NPAS3: variants seen among roughly 807,000 people sequenced by gnomAD.
The protein encoded by NPAS3 is neuronal PAS domain-containing protein 3.
Under a neutral mutation model 73.1 loss-of-function variants are expected in NPAS3, and 14 were observed. That is an observed-to-expected ratio of 0.19 (90% confidence interval 0.13 to 0.30). The LOEUF (loss-of-function observed/expected upper bound fraction) is 0.30. Among genes scored for constraint, NPAS3 ranks in the 10% least tolerant of loss-of-function variants. The pLI is 1.00. For synonymous variants in NPAS3, 620 were observed against 541.5 expected, an observed-to-expected ratio of 1.14 and a Z score of -2.01; for missense variants, 1,096 against 1,250.0, an observed-to-expected ratio of 0.88 and a Z score of 1.86.
chr14:33,425,068 G>A (rs1336483567), intron 4 of NPAS3, among the ~76,000 whole-genome samples: 2 of 152,012 alleles, frequency 1.3e-5, no homozygotes, highest in South Asian at 2.1e-4. Context: ...GAGAAAAAGA[G>A]TGTTTCGGGA....
intron 2 of NPAS3, among the ~76,000 whole-genome samples, chr14:33,198,582 C>A (rs928484558): frequency 6.6e-6 from 1 of 152,196 alleles, no homozygotes; most frequent in Non-Finnish European, 1.5e-5. Context: ...AAACCTTGAG[C>A]TAGACATAGA....
At chr14:33,664,746 A>T (rs2140289551) in intron 5 of NPAS3, among the ~76,000 whole-genome samples, 1 of 152,386 alleles carries the variant, frequency 6.6e-6, no homozygotes, top group Middle Eastern at 3.4e-3. Context: ...TGGCCAACAA[A>T]CATATGAAAA....
intron 2 of NPAS3, among the ~76,000 whole-genome samples, chr14:33,207,598 C>T (rs1339736155): frequency 6.6e-6 from 1 of 152,172 alleles, no homozygotes; most frequent in Non-Finnish European, 1.5e-5. Flanking sequence ...AGCAGTTTGA[C>T]AGCCATTCAC....
chr14:33,566,249 A>G (rs1243795916), intron 5 of NPAS3, among the ~76,000 whole-genome samples: 1 of 150,258 alleles, frequency 6.7e-6, no homozygotes, highest in Non-Finnish European at 1.5e-5. Flanking sequence ...TGACTGCATG[A>G]TGCATCATTT....
intron 3 of NPAS3, among the ~76,000 whole-genome samples, chr14:33,228,008 T>C (rs1368321603): frequency 6.6e-6 from 1 of 152,164 alleles, no homozygotes; most frequent in African/African-American, 2.4e-5. Flanking sequence ...AATGGCATAG[T>C]TGGACCTGTG....
chr14:33,019,145 G>A (rs1188809373), intron 1 of NPAS3, among the ~76,000 whole-genome samples: 1 of 152,202 alleles, frequency 6.6e-6, no homozygotes, highest in Non-Finnish European at 1.5e-5. Context: ...GTAAGGAAGT[G>A]TGTTTGATTC....
At chr14:33,429,154 TTAAAAA>T (rs1055880129) in intron 4 of NPAS3, among the ~76,000 whole-genome samples, 3 of 152,076 alleles carry the variant, frequency 2.0e-5, no homozygotes, top group Non-Finnish European at 4.4e-5. Context: ...AGAGGGAAGA[TTAAAAA>T]TAAATAGGTA....
chr14:33,748,710 A>C (rs1258364396), intron 7 of NPAS3, among the ~76,000 whole-genome samples: 1 of 152,190 alleles, frequency 6.6e-6, no homozygotes, highest in Admixed American at 6.5e-5. Context: ...TGATGAAAAC[A>C]AAGCGAACAA....
chr14:33,747,630 C>A (rs181222593), intron 7 of NPAS3, among the ~76,000 whole-genome samples: 3 of 152,314 alleles, frequency 2.0e-5, no homozygotes, highest in Admixed American at 1.3e-4. Context: ...GCTGCCTGGG[C>A]AGGTGTGTGT....
intron 1 of NPAS3, among the ~76,000 whole-genome samples, chr14:32,995,620 A>G (rs1305645895): frequency 6.6e-6 from 1 of 152,188 alleles, no homozygotes; most frequent in Non-Finnish European, 1.5e-5. Flanking sequence ...TGTTCTTGTG[A>G]TAGCAAATGA....
chr14:33,661,730 G>A lies in NPAS3; in HGVS notation c.559-14481G>A, dbSNP rs553223233. Among the ~76,000 whole-genome samples the A allele has an allele frequency of 3.9e-5, 6 of 152,040 alleles. 1 individual carries two copies. Among genetic ancestry groups the A allele is most frequent in the African/African-American group, 1.5e-4 (6 of 41,320 alleles). On this transcript the variant is annotated intron_variant, in intron 5 of 11. Transcript: ENST00000356141. ...CTGACAATACTGGCTTTGAAAAGGA[G>A]ATATGTCTATATTATTACATATTCA...
intron 2 of NPAS3, among the ~76,000 whole-genome samples, chr14:33,088,655 T>C (rs1251247268): frequency 6.6e-6 from 1 of 152,172 alleles, no homozygotes; most frequent in African/African-American, 2.4e-5. Context: ...AATGTCCCTG[T>C]GTGACAGCTT....
At chr14:33,384,025 A>G (rs2046670418) in intron 4 of NPAS3, among the ~76,000 whole-genome samples, 1 of 152,220 alleles carries the variant, frequency 6.6e-6, no homozygotes, top group African/African-American at 2.4e-5. Context: ...GAAGGAGTAC[A>G]TGGCTGTGTT....
intron 2 of NPAS3, among the ~76,000 whole-genome samples, chr14:33,196,425 A>G (rs896318417): frequency 2.6e-5 from 4 of 152,196 alleles, no homozygotes; most frequent in African/African-American, 9.7e-5. Flanking sequence ...AGCAAACTCT[A>G]CTTTTCAACA....
At chr14:33,349,421 C>T (rs984714279) in intron 3 of NPAS3, among the ~76,000 whole-genome samples, 2 of 152,076 alleles carry the variant, frequency 1.3e-5, no homozygotes, top group African/African-American at 2.4e-5. Flanking sequence ...CCTGGTTGAC[C>T]GTATTTTATT....
intron 3 of NPAS3, among the ~76,000 whole-genome samples, chr14:33,351,618 T>C (rs1387290814): frequency 6.6e-6 from 1 of 152,200 alleles, no homozygotes; most frequent in African/African-American, 2.4e-5. Context: ...AAAGCAACCA[T>C]GCCATACCGC....
chr14:33,285,891 G>C (rs1295496660), intron 3 of NPAS3, among the ~76,000 whole-genome samples: 4 of 152,084 alleles, frequency 2.6e-5, no homozygotes, highest in Admixed American at 6.6e-5. Flanking sequence ...TTTCCTCCTA[G>C]GTAAGACTGA....
At chr14:33,427,516 C>T (rs1365376843) in intron 4 of NPAS3, among the ~76,000 whole-genome samples, 1 of 151,514 alleles carries the variant, frequency 6.6e-6, no homozygotes, top group Non-Finnish European at 1.5e-5. Flanking sequence ...AGTGCCGGAG[C>T]ATCACCCTCT....
chr14:33,657,628 C>T (rs2059182401), intron 5 of NPAS3, among the ~76,000 whole-genome samples: 2 of 152,116 alleles, frequency 1.3e-5, no homozygotes, highest in African/African-American at 2.4e-5. Context: ...GAAGAGGAAG[C>T]GGGAGTCAGG....
Sources: gnomAD v4.1 joint callset for allele counts (sites outside exome capture counted in the v4.1 genomes callset) on GRCh38, gnomAD v4.1.1 for gene constraint, MANE v1.5 for transcripts, NCBI Gene and HGNC (gene_info 2026-07-23, HGNC 2026-07-21) for gene names.